Variants in DNAH3 observed in about 807,000 individuals in gnomAD.
DNAH3 encodes the protein axonemal beta dynein heavy chain 3.
Under a neutral mutation model 432.5 loss-of-function variants are expected in DNAH3, and 332 were observed. That is an observed-to-expected ratio of 0.77 (90% CI 0.70 to 0.84). The LOEUF is 0.84. Among genes scored for constraint, DNAH3 ranks in the 40% least tolerant of loss-of-function variants. DNAH3 has a pLI of 0.00. For missense variants in DNAH3, 4,861 were observed against 5,114.0 expected, an observed-to-expected ratio of 0.95 and a Z score of 1.51; for synonymous variants, 1,956 against 1,900.2, an observed-to-expected ratio of 1.03 and a Z score of -0.76.
intron 50 of DNAH3, among the ~76,000 whole-genome samples, chr16:20,976,788 G>T (rs2085611920): frequency 6.6e-6 from 1 of 152,202 alleles, no homozygotes; most frequent in South Asian, 2.1e-4. Context: ...CCCACTGTGT[G>T]AGGACACAGC....
chr16:21,098,891 C>T (rs1302185553), intron 16 of DNAH3, 122 bp from the exon 17 acceptor site: 3 of 945,292 alleles, frequency 3.2e-6, no homozygotes, highest in Middle Eastern at 2.3e-4. Flanking sequence ...CAGATTTCCT[C>T]CCCCAATACT....
intron 27 of DNAH3, among the ~76,000 whole-genome samples, chr16:21,057,514 T>C (rs1299084815): frequency 1.3e-5 from 2 of 152,202 alleles, no homozygotes; most frequent in African/African-American, 4.8e-5. Context: ...GTTAAGTTGC[T>C]CATGGTCACG....
At chr16:21,130,206 A>C (rs1055468754) in intron 7 of DNAH3, 7 of 151,916 alleles carry the variant, frequency 4.6e-5, no homozygotes, top group African/African-American at 1.7e-4. Flanking sequence ...ACCTCCTAGA[A>C]CTATTGATGC....
rs78315849 is a variant in DNAH3 at position 21,151,293 on chromosome 16, A to G, written c.118-5205T>C. Reference sequence around the variant, plus strand: ...AGAGCGATTTGCATATAGTAGAAGGATAACTGATATTTTCCCAGTTTTTCC... The same window carrying G: ...AGAGCGATTTGCATATAGTAGAAGGGTAACTGATATTTTCCCAGTTTTTCC... On this transcript the variant is annotated intron_variant, in intron 1 of 61. Coordinates refer to ENST00000261383, the Ensembl canonical transcript of DNAH3. Among the ~76,000 whole-genome samples, 26 of 149,998 alleles carry G rather than the reference A, an allele frequency of 1.7e-4. No homozygotes were observed. The East Asian group carries it at 2.8e-3, about 16-fold the overall frequency.
intron 41 of DNAH3, among the ~76,000 whole-genome samples, chr16:21,014,860 C>T (rs1211286486): frequency 2.6e-5 from 4 of 152,000 alleles, no homozygotes; most frequent in Admixed American, 6.6e-5. Flanking sequence ...GAAGGAACTA[C>T]TTAGGTATAA....
At chr16:21,082,612 T>A (rs968972352) in intron 19 of DNAH3, among the ~76,000 whole-genome samples, 17 of 152,034 alleles carry the variant, frequency 1.1e-4, no homozygotes, top group Non-Finnish European at 2.9e-5. Flanking sequence ...GGCGGATCAC[T>A]TGAGGTCAGG....
exon 9 of DNAH3, chr16:21,125,364 G>A (rs772941089): frequency 3.1e-6 from 5 of 1,600,434 alleles, no homozygotes; most frequent in Non-Finnish European, 4.3e-6. Flanking sequence ...CGCAGGTGGG[G>A]ATCCACCTGT....
chr16:20,951,168 G>A (rs1039304461), intron 56 of DNAH3, among the ~76,000 whole-genome samples: 10 of 151,976 alleles, frequency 6.6e-5, no homozygotes, highest in Non-Finnish European at 1.2e-4. Flanking sequence ...TGTACATATC[G>A]TGGACTAATA....
chr16:20,975,873 T>A (rs1405133783), intron 50 of DNAH3, among the ~76,000 whole-genome samples: 1 of 152,064 alleles, frequency 6.6e-6, no homozygotes, highest in African/African-American at 2.4e-5. Flanking sequence ...GCCTCCCAAG[T>A]AGCTGGGACT....
chr16:21,024,443 G>A (rs2088428960), intron 39 of DNAH3, among the ~76,000 whole-genome samples, 153 bp downstream of exon 39: 1 of 152,128 alleles, frequency 6.6e-6, no homozygotes, highest in Non-Finnish European at 1.5e-5. Flanking sequence ...AAAATGGCAG[G>A]CAGCCAGGAA....
chr16:21,151,297 C>T (rs1252593554), intron 1 of DNAH3, among the ~76,000 whole-genome samples: 1 of 148,370 alleles, frequency 6.7e-6, no homozygotes, highest in East Asian at 2.0e-4. Flanking sequence ...AGAAGGATAA[C>T]TGATATTTTC....
chr16:21,128,155 T>C (rs922367539), intron 7 of DNAH3, among the ~76,000 whole-genome samples: 20 of 152,046 alleles, frequency 1.3e-4, no homozygotes, highest in South Asian at 4.2e-4. Context: ...GACGAATCAA[T>C]GTTCTTTACA....
At chr16:20,956,697 G>A (rs1056860202) in intron 54 of DNAH3, among the ~76,000 whole-genome samples, 3 of 151,862 alleles carry the variant, frequency 2.0e-5, no homozygotes, top group Non-Finnish European at 4.4e-5. Flanking sequence ...AAGGCACAAC[G>A]CTTTTAGGTT....
intron 44 of DNAH3, among the ~76,000 whole-genome samples, chr16:20,996,086 G>A (rs1334646684): frequency 6.6e-6 from 1 of 152,210 alleles, no homozygotes; most frequent in Admixed American, 6.5e-5. Context: ...ATAGCTTTCT[G>A]GTTTTGCTAC....
rs369413064 is a variant in DNAH3 at position 21,149,231 on chromosome 16, A to C, written c.118-3143T>G. Among the ~76,000 whole-genome samples the C allele has an allele frequency of 3.8e-3, 575 of 151,970 alleles. 1 individual carries two copies. Among genetic ancestry groups the C allele is most frequent in the African/African-American group, 0.013 (550 of 41,460 alleles). On this transcript the variant is annotated intron_variant, in intron 1 of 61. Coordinates refer to ENST00000261383, the Ensembl canonical transcript of DNAH3. ...ATAACAGAGACAAACTGTCTCAAAA[A>C]AAAAAAAAGAAAGAAAGAAAAAGAA...
At chr16:21,154,764 C>T (rs1463503047) in intron 1 of DNAH3, among the ~76,000 whole-genome samples, 1 of 152,142 alleles carries the variant, frequency 6.6e-6, no homozygotes. Flanking sequence ...TCCATGGCTT[C>T]AACCGAAAAC....
At chr16:21,026,190 G>A (rs1051976111) in intron 38 of DNAH3, among the ~76,000 whole-genome samples, 4 of 152,006 alleles carry the variant, frequency 2.6e-5, no homozygotes, top group African/African-American at 9.7e-5. Context: ...TTGGGCATAC[G>A]GAGATTCAAC....
intron 21 of DNAH3, among the ~76,000 whole-genome samples, chr16:21,073,159 G>C (rs972692563): frequency 6.6e-6 from 1 of 152,154 alleles, no homozygotes; most frequent in Admixed American, 6.5e-5. Context: ...AATCTAGGAG[G>C]CTAAATTTGG....
rs375357325 is a variant in DNAH3, at chr16:21,093,504, A to G, written c.2665+3851T>C. ...TAATAAAGATGTGAATTCTTTCCAAATTTATCTATAGATTTAAAACATTTC... is the reference window on the plus strand; with the variant it reads ...TAATAAAGATGTGAATTCTTTCCAAGTTTATCTATAGATTTAAAACATTTC... On this transcript the variant is annotated intron_variant, in intron 18 of 61. Coordinates refer to ENST00000261383, the Ensembl canonical transcript of DNAH3. 3.8e-4 allele frequency among the ~76,000 whole-genome samples: 58 copies of G among 152,324 alleles called. 1 individual carries two copies. In the East Asian group the frequency reaches 5.4e-3, roughly 14 times the overall value.
Sources: allele counts gnomAD v4.1 joint callset (sites outside exome capture counted in the v4.1 genomes callset), GRCh38; gene constraint gnomAD v4.1.1; transcripts MANE v1.5; gene names NCBI Gene and HGNC (gene_info 2026-07-23, HGNC 2026-07-21).